Variants in ARHGEF37 observed in about 807,000 individuals in gnomAD.
The protein encoded by ARHGEF37 is Rho guanine nucleotide exchange factor 37, also known as Rho guanine nucleotide exchange factor (GEF) 37.
A neutral mutation model predicts 71.1 loss-of-function variants in ARHGEF37; 55 were observed. The observed-to-expected ratio is 0.77, with a 90% CI of 0.62 to 0.97. ARHGEF37 has a LOEUF of 0.97. Ranked by LOEUF, ARHGEF37 falls within the 50% of genes least tolerant of loss-of-function variation. The pLI is 0.00. For missense variants in ARHGEF37, 765 were observed against 836.8 expected, an observed-to-expected ratio of 0.91 and a Z score of 1.06; for synonymous variants, 327 against 350.6, an observed-to-expected ratio of 0.93 and a Z score of 0.75.
chr5:149,558,795 T>C (rs557341408), intron 1 of ARHGEF37, among the ~76,000 whole-genome samples: 37 of 151,914 alleles, frequency 2.4e-4, no homozygotes, highest in Admixed American at 2.2e-3. Flanking sequence ...AAATGTGACA[T>C]TGAAAAATTT....
At chr5:149,595,884 TC>T (rs1385076357) in intron 1 of ARHGEF37, among the ~76,000 whole-genome samples, 2 of 152,128 alleles carry the variant, frequency 1.3e-5, no homozygotes, top group Non-Finnish European at 2.9e-5. Flanking sequence ...AGACCTTTTT[TC>T]CTCACCCAGA....
Position 149,601,138 on chromosome 5 carries a change from T to C in ARHGEF37, c.217T>C (p.Ser73Pro). The change falls in exon 3 of 13, where the codon TCA (serine) becomes CCA (proline). Residue 73 changes from serine (S) to proline (P), a missense_variant. Physicochemically the swap from Ser to Pro is moderately conservative, Grantham distance 74 (BLOSUM62 -1). Around this residue, in one of 5 missense-constraint regions of ARHGEF37, gnomAD observed 201 missense variants for 217.5 expected, o/e 0.92. Coordinates refer to ENST00000333677, the MANE Select transcript of ARHGEF37 (RefSeq NM_001001669.3). The stretch of plus-strand genomic sequence containing the variant: ...GCAGGGAGATCTGGATGTCCTGTTC[T>C]CAAACATTGATGATATCATCAAAGT... The part of the protein sequence containing the change: ...LPQGDLDVLF[S>P]NIDDIIKVNS... The C allele has an allele frequency of 6.2e-7, 1 of 1,612,888 alleles. No individual in the cohort carries two copies. Among genetic ancestry groups the C allele is most frequent in the Non-Finnish European group, 8.5e-7 (1 of 1,179,020 alleles).
Position 149,597,883 on chromosome 5 carries a change from C to T in ARHGEF37, c.114C>T (p.Leu38=), listed in dbSNP as rs1277234914. 1 of 1,609,814 alleles carries T rather than the reference C, an allele frequency of 6.2e-7. No homozygotes were observed. The highest frequency in any genetic ancestry group is 1.7e-5 in the Admixed American group (1 of 59,344). Residue 38 remains leucine, a synonymous_variant, in exon 2 of 13, where the codon CTC becomes CTT. Transcript: ENST00000333677. ...ATCAGAGGCTGGCTGTCCGGGAGCTCATCGACACTGAGGTCTCCTACTTGC... is the reference window on the plus strand; with the variant it reads ...ATCAGAGGCTGGCTGTCCGGGAGCTTATCGACACTGAGGTCTCCTACTTGC... ...LLHQRLAVRE[L]IDTEVSYLHM...
At position 149,633,236 on chromosome 5, in the gene ARHGEF37, G is replaced by C. The variant is rs373482045; in HGVS notation, c.*1045G>C. On this transcript the variant is annotated 3_prime_UTR_variant, in exon 13 of 13. Transcript: ENST00000333677. ...AGAATGACGTGGGGCTAAGCATGCAGAGCTCCCTGTAAACTGTGAAGTGTG... is the reference window on the plus strand; with the variant it reads ...AGAATGACGTGGGGCTAAGCATGCACAGCTCCCTGTAAACTGTGAAGTGTG... The C allele has an allele frequency of 6.6e-6, 1 of 152,418 alleles. No individual in the cohort carries two copies. Among genetic ancestry groups the C allele is most frequent in the South Asian group, 2.1e-4 (1 of 4,830 alleles). The allele number at this position is 152,418 out of a possible 1,614,324, so 9.4% of individuals were successfully genotyped here. A position where few individuals can be genotyped will look rare whatever the true frequency, so the allele number is the denominator to read the frequency against.
chr5:149,578,118 C>T (rs138534291), upstream of ARHGEF37, among the ~76,000 whole-genome samples: 636 of 152,290 alleles, frequency 4.2e-3, 11 homozygotes, highest in African/African-American at 0.014. Flanking sequence ...CCTCCCACAG[C>T]GCCTGTCTAT....
chr5:149,618,024 C>A, intron 5 of ARHGEF37, 152 bp from the exon 6 acceptor site: 2 of 1,132,958 alleles, frequency 1.8e-6, no homozygotes, highest in South Asian at 1.5e-5. Flanking sequence ...AGACAGAGGA[C>A]CCTATGCTTT....
intron 5 of ARHGEF37, 128 bp downstream of exon 5, chr5:149,616,894 G>A (rs542986520): frequency 4.0e-6 from 4 of 990,574 alleles, no homozygotes. Context: ...CAGAGGTAAT[G>A]CAAGCTTTAG....
chr5:149,605,978 G>A (rs1763903748), intron 3 of ARHGEF37, among the ~76,000 whole-genome samples: 1 of 152,188 alleles, frequency 6.6e-6, no homozygotes, highest in East Asian at 1.9e-4. Context: ...ACTGGAGAAG[G>A]ACAAGCAGGG....
intron 1 of ARHGEF37, among the ~76,000 whole-genome samples, chr5:149,553,424 A>G (rs903686038): frequency 6.6e-6 from 1 of 151,522 alleles, no homozygotes; most frequent in Admixed American, 6.6e-5. Context: ...TAATTAATCA[A>G]TTCTGGTCTT....
At chr5:149,598,059 A>G in intron 2 of ARHGEF37, 104 bp downstream of exon 2, 2 of 1,358,888 alleles carry the variant, frequency 1.5e-6, no homozygotes, top group East Asian at 2.6e-5. Context: ...ACAGAAAGGA[A>G]GCGTGGTAGA....
chr5:149,618,333 C>G (rs1261810277), intron 6 of ARHGEF37, 27 bp downstream of exon 6: 1 of 1,613,610 alleles, frequency 6.2e-7, no homozygotes, highest in East Asian at 2.2e-5. Flanking sequence ...GAGGAAGAGT[C>G]ACATCCAGCC....
At chr5:149,572,041 A>C (rs1218095710) in intron 1 of ARHGEF37, among the ~76,000 whole-genome samples, 1 of 152,154 alleles carries the variant, frequency 6.6e-6, no homozygotes, top group Admixed American at 6.6e-5. Flanking sequence ...TGGCTTCAAG[A>C]CTTTCTATTA....
At chr5:149,588,028 C>A (rs758350244) in intron 1 of ARHGEF37, among the ~76,000 whole-genome samples, 20 of 151,604 alleles carry the variant, frequency 1.3e-4, no homozygotes, top group Non-Finnish European at 2.1e-4. Flanking sequence ...TCCTGAGTAG[C>A]TGGGATTACA....
intron 1 of ARHGEF37, among the ~76,000 whole-genome samples, chr5:149,560,645 G>C (rs557247206): frequency 1.3e-5 from 2 of 152,236 alleles, no homozygotes; most frequent in South Asian, 4.1e-4. Context: ...GCTATTGGTT[G>C]GGTGCGGTGG....
Position 149,632,371 on chromosome 5 carries a change from T to G in ARHGEF37, c.*180T>G. The G allele has an allele frequency of 1.5e-6, 1 of 661,548 alleles. No homozygotes were observed. The highest frequency in any genetic ancestry group is 2.5e-6 in the Non-Finnish European group (1 of 392,726). The allele number at this position is 661,548 out of a possible 1,614,324, so 41.0% of individuals were successfully genotyped here. On this transcript the variant is annotated 3_prime_UTR_variant, in exon 13 of 13. Coordinates refer to ENST00000333677, the MANE Select transcript of ARHGEF37 (RefSeq NM_001001669.3). ...GGGCCTCGCAGAGTGCTTGGTGTGGTGGGGGCACAGGAGGCTCCAGCCAGG... is the reference window on the plus strand; with the variant it reads ...GGGCCTCGCAGAGTGCTTGGTGTGGGGGGGGCACAGGAGGCTCCAGCCAGG...
At chr5:149,553,984 A>G (rs925212180) in intron 1 of ARHGEF37, among the ~76,000 whole-genome samples, 19 of 152,058 alleles carry the variant, frequency 1.2e-4, no homozygotes, top group African/African-American at 4.3e-4. Context: ...CCTGGCCAAC[A>G]TGGTGAAACC....
chr5:149,572,025 A>G (rs1450645330), intron 1 of ARHGEF37, among the ~76,000 whole-genome samples: 4 of 152,130 alleles, frequency 2.6e-5, no homozygotes, highest in African/African-American at 9.7e-5. Flanking sequence ...GAGGTCTTAC[A>G]ATACCTGGCT....
intron 1 of ARHGEF37, among the ~76,000 whole-genome samples, chr5:149,588,278 G>C (rs1052293733): frequency 6.6e-6 from 1 of 151,858 alleles, no homozygotes; most frequent in East Asian, 2.0e-4. Flanking sequence ...TTACAGGGTT[G>C]TTATAAGATT....
At chr5:149,558,413 G>A (rs1762781607) in intron 1 of ARHGEF37, among the ~76,000 whole-genome samples, 1 of 152,192 alleles carries the variant, frequency 6.6e-6, no homozygotes, top group South Asian at 2.1e-4. Flanking sequence ...GGCTGAGGCA[G>A]GAAAATGGCT....
Sources: allele counts gnomAD v4.1 joint callset (sites outside exome capture counted in the v4.1 genomes callset), GRCh38; gene constraint gnomAD v4.1.1; regional missense constraint gnomAD v4.1.1; transcripts MANE v1.5; gene names NCBI Gene and HGNC (gene_info 2026-07-23, HGNC 2026-07-21).